Variants in MIDEAS observed in about 807,000 individuals in gnomAD.
The protein encoded by MIDEAS is mitotic deacetylase-associated SANT domain protein.
Under a neutral mutation model 102.7 loss-of-function variants are expected in MIDEAS, and 26 were observed. The ratio of observed to expected loss-of-function variants is 0.25; its 90% CI spans 0.19 to 0.35. The LOEUF is 0.35. MIDEAS is among the 10% of genes least tolerant of loss of function. The pLI is 1.00. For synonymous variants in MIDEAS, 585 were observed against 591.0 expected (o/e 0.99, Z 0.15); for missense variants, 1,231 against 1,435.6 (o/e 0.86, Z 2.30).
chr14:73,787,803 G>A (rs997467648), upstream of MIDEAS, among the ~76,000 whole-genome samples: 4 of 152,086 alleles, frequency 2.6e-5, no homozygotes, highest in Admixed American at 6.6e-5. Context: ...CACTTCTGGG[G>A]GCTATTTCAA....
Position 73,729,891 on chromosome 14 carries a change from G to A in MIDEAS, c.1844C>T (p.Ala615Val), listed in dbSNP as rs750351777. 2.5e-6 allele frequency: 4 copies of A among 1,613,006 alleles called. No individual in the cohort carries two copies. Among genetic ancestry groups the A allele is most frequent in the Admixed American group, 1.7e-5 (1 of 59,986 alleles). Residue 615 changes from alanine to valine, a missense_variant, in exon 4 of 13, where the codon GCG becomes GTG. By Grantham distance (64) the Ala-to-Val change is moderately conservative. Coordinates refer to ENST00000423556, the MANE Select transcript of MIDEAS (RefSeq NM_001367710.1). ...RPEPLIIPTK[A>V]GTFIAPPVYS... ...GACGGGAGGGGCGATGAAAGTGCCC[G>A]CCTTGGTGGGGATGATGAGGGGCTC...
intron 1 of MIDEAS, among the ~76,000 whole-genome samples, chr14:73,752,082 A>G (rs1410738806): frequency 2.0e-5 from 3 of 152,080 alleles, no homozygotes; most frequent in East Asian, 1.9e-4. Flanking sequence ...ATATCTCCAC[A>G]TGGTGCTCTC....
intron 1 of MIDEAS, among the ~76,000 whole-genome samples, chr14:73,753,055 G>T (rs1236553810): frequency 6.6e-6 from 1 of 152,210 alleles, no homozygotes; most frequent in East Asian, 1.9e-4. Flanking sequence ...TACCTTTAAG[G>T]GGGAGGACAC....
intron 1 of MIDEAS, among the ~76,000 whole-genome samples, chr14:73,772,431 CTG>C (rs1309762128): frequency 2.0e-5 from 3 of 152,150 alleles, no homozygotes; most frequent in Admixed American, 2.0e-4. Context: ...TTATGCAATT[CTG>C]TGTTTTACTT....
chr14:73,720,236 CTTTTTTTTTT>C (rs33980532), intron 11 of MIDEAS, among the ~76,000 whole-genome samples: 2 of 116,740 alleles, frequency 1.7e-5, no homozygotes, highest in African/African-American at 3.3e-5. Flanking sequence ...ACACACATTC[CTTTTTTTTTT>C]TTTTTTTTTT....
rs1412434883 is a variant in MIDEAS, at chr14:73,721,297, C to T, written c.2937G>A (p.Ser979=). The T allele has an allele frequency of 4.3e-6, 7 of 1,612,068 alleles. No homozygotes were observed. Among genetic ancestry groups the T allele is most frequent in the African/African-American group, 1.3e-5 (1 of 74,910 alleles). ...KATQTLQANE[S]ASDILILRSH... is the part of the protein sequence containing the mutation. ...CTCAGCCCATGGTGGTCACACTCAC[C>T]GACTCATTGGCCTGTAGTGTCTGCG... is the stretch of plus-strand genomic sequence containing the variant. Residue 979 remains serine (S), a splice_region_variant and synonymous_variant, in exon 11 of 13, where the codon TCG becomes TCA. Transcript: ENST00000423556.
Position 73,719,019 on chromosome 14 carries a change from G to A in MIDEAS, c.3135-11C>T, listed in dbSNP as rs1302999860. On this transcript the variant is annotated splice_polypyrimidine_tract_variant and intron_variant, in intron 12 of 12. Transcript: ENST00000423556. ...ACCTTGTAAAACACCCTGCAGCCGG[G>A]TGGGGGTTGCTCAGAACCGGCCTAG... 1.4e-6 allele frequency: 2 copies of A among 1,470,028 alleles called. No individual in the cohort carries two copies. Among genetic ancestry groups the A allele is most frequent in the Non-Finnish European group, 1.8e-6 (2 of 1,118,080 alleles). The allele number at this position is 1,470,028 out of a possible 1,614,324, so 91.1% of individuals were successfully genotyped here. A position where few individuals can be genotyped will look rare whatever the true frequency, so the allele number is the denominator to read the frequency against.
At chr14:73,744,951 TC>T (rs2053331551) in intron 1 of MIDEAS, among the ~76,000 whole-genome samples, 1 of 152,140 alleles carries the variant, frequency 6.6e-6, no homozygotes, top group Non-Finnish European at 1.5e-5. Context: ...TGCTTTGTCA[TC>T]CCCAGCAGAC....
intron 1 of MIDEAS, among the ~76,000 whole-genome samples, chr14:73,784,828 G>A (rs1044204611): frequency 6.6e-6 from 1 of 152,202 alleles, no homozygotes; most frequent in Non-Finnish European, 1.5e-5. Flanking sequence ...AGACTTTCCA[G>A]AACTGTCCTG....
Position 73,738,976 on chromosome 14 carries a change from G to A in MIDEAS, c.1033C>T (p.Arg345Cys), listed in dbSNP as rs761530743. ...LPQVQIPFPR[R>C]SRRLSKEGIL... Reference sequence around the variant, plus strand: ...CCCTCCTTAGAGAGGCGGCGGGAGCGGCGGGGGAAGGGGATCTGGACCTGA... The same window carrying A: ...CCCTCCTTAGAGAGGCGGCGGGAGCAGCGGGGGAAGGGGATCTGGACCTGA... Residue 345 changes from arginine to cysteine, a missense_variant, in exon 2 of 13, where the codon CGC (arginine) becomes TGC (cysteine). This residue lies in a region of MIDEAS where 758 missense variants were observed against 856.0 expected (regional missense o/e 0.89). Coordinates refer to ENST00000423556, the MANE Select transcript of MIDEAS (RefSeq NM_001367710.1). 1.2e-5 allele frequency: 19 copies of A among 1,531,744 alleles called. No individual in the cohort carries two copies. The highest frequency in any genetic ancestry group is 4.1e-5 in the African/African-American group (3 of 72,292). 94.9% of individuals were successfully genotyped at this position (1,531,744 alleles called of 1,614,324 possible). A position where few individuals can be genotyped will look rare whatever the true frequency, so the allele number is the denominator to read the frequency against.
At chr14:73,748,210 A>G (rs1283132530) in intron 1 of MIDEAS, among the ~76,000 whole-genome samples, 3 of 152,238 alleles carry the variant, frequency 2.0e-5, no homozygotes, top group African/African-American at 4.8e-5. Flanking sequence ...TACCTTATCC[A>G]TAATTACTTT....
At chr14:73,763,251 T>C (rs1430219373), upstream of MIDEAS, among the ~76,000 whole-genome samples, 2 of 152,116 alleles carry the variant, frequency 1.3e-5, no homozygotes, top group African/African-American at 4.8e-5. Context: ...GGTAGGAGGA[T>C]TGCTTGAGCC....
chr14:73,718,846 G>A lies in MIDEAS; in HGVS notation c.3297C>T (p.Gly1099=). The A allele has an allele frequency of 1.4e-6, 2 of 1,473,742 alleles. No individual in the cohort carries two copies. Among genetic ancestry groups the A allele is most frequent in the Non-Finnish European group, 8.9e-7 (1 of 1,120,838 alleles). The allele number at this position is 1,473,742 out of a possible 1,614,324, so 91.3% of individuals were successfully genotyped here. Residue 1099 remains glycine (G), a synonymous_variant, in exon 13 of 13, where the codon GGC becomes GGT. Coordinates refer to ENST00000423556, the MANE Select transcript of MIDEAS (RefSeq NM_001367710.1). Reference sequence around the variant, plus strand: ...TGGGCCAGCCTGGCTCCCGCGCTCAGCCCTTGTCGCCCGCACCGCTCTCCT... The same window carrying A: ...TGGGCCAGCCTGGCTCCCGCGCTCAACCCTTGTCGCCCGCACCGCTCTCCT... ...LREESGAGDK[G] is the part of the protein sequence containing the mutation.
chr14:73,722,272 TA>T (rs1355028344), intron 10 of MIDEAS: 1 of 155,182 alleles, frequency 6.4e-6, no homozygotes, highest in African/African-American at 2.4e-5. Flanking sequence ...CCCTTCTGAG[TA>T]AAAAATGAGT....
intron 1 of MIDEAS, among the ~76,000 whole-genome samples, chr14:73,783,654 T>C (rs771047437): frequency 4.6e-5 from 7 of 152,218 alleles, no homozygotes; most frequent in Non-Finnish European, 7.3e-5. Flanking sequence ...GTATTTCAAG[T>C]GGCACTTGAG....
At chr14:73,726,131 G>C (rs1351169088) in intron 7 of MIDEAS, 23 bp from the exon 8 acceptor site, 1 of 1,570,116 alleles carries the variant, frequency 6.4e-7, no homozygotes, top group Non-Finnish European at 8.7e-7. Context: ...TGAGGGAAGG[G>C]TCAGGGCACT....
chr14:73,723,081 G>A, intron 9 of MIDEAS: 1 of 401,498 alleles, frequency 2.5e-6, no homozygotes, highest in South Asian at 3.3e-5. Context: ...AAGCTATAAA[G>A]GACAATGTCG....
chr14:73,758,547 C>G (rs866922586), intron 1 of MIDEAS, among the ~76,000 whole-genome samples: 1 of 152,212 alleles, frequency 6.6e-6, no homozygotes, highest in Non-Finnish European at 1.5e-5. Flanking sequence ...AACAGGGATC[C>G]CCTGCATACG....
chr14:73,781,060 T>C (rs112385120), intron 1 of MIDEAS, among the ~76,000 whole-genome samples: 29 of 152,248 alleles, frequency 1.9e-4, no homozygotes, highest in African/African-American at 6.3e-4. Context: ...ACGATTATGA[T>C]GACTAATTAT....
Sources: allele counts gnomAD v4.1 joint callset (sites outside exome capture counted in the v4.1 genomes callset), GRCh38; gene constraint gnomAD v4.1.1; regional missense constraint gnomAD v4.1.1; transcripts MANE v1.5; gene names NCBI Gene and HGNC (gene_info 2026-07-23, HGNC 2026-07-21).